The following ANXA11 variants were observed in gnomAD, a reference collection of about 807,000 sequenced individuals.
ANXA11 encodes annexin A11.
ANXA11 carries 57 observed loss-of-function variants against 64.7 expected under a neutral mutation model. The ratio of observed to expected loss-of-function variants is 0.88; its 90% CI spans 0.71 to 1.10. The LOEUF (loss-of-function observed/expected upper bound fraction) is 1.10, where lower values mean the gene tolerates loss of function less well. Among genes scored for constraint, ANXA11 ranks in the 50% least tolerant of loss-of-function variants. The pLI, the probability that ANXA11 is intolerant of heterozygous loss-of-function variation, is 0.00. For missense variants in ANXA11, 675 were observed against 670.7 expected, an observed-to-expected ratio of 1.01 and a Z score of -0.07; for synonymous variants, 260 against 265.2, an observed-to-expected ratio of 0.98 and a Z score of 0.19.
chr10:80,203,044 CAAAAAAAAA>C (rs11444706), intron 1 of ANXA11, among the ~76,000 whole-genome samples: 1 of 85,260 alleles, frequency 1.2e-5, no homozygotes. Context: ...AAATCTGTCT[CAAAAAAAAA>C]AAAAAAAAAA....
chr10:80,166,862 T>C (rs1845759583), intron 7 of ANXA11, 28 bp downstream of exon 7: 2 of 1,556,356 alleles, frequency 1.3e-6, no homozygotes, highest in East Asian at 2.3e-5. Context: ...CACGCCTCAC[T>C]GTCCCGCGCC....
In ANXA11 at chr10:80,153,175, G is replaced by A. The variant is rs1226803365; in HGVS notation, c.*2678C>T. On this transcript the variant is annotated 3_prime_UTR_variant, in exon 16 of 16. Coordinates refer to ENST00000422982, the MANE Select transcript of ANXA11 (RefSeq NM_145868.2). ...GGGTCTCAAACCCAAAGGCCTGCAG[G>A]AGCCAAATGGGTGACATGGGCTTAG... 1.3e-5 allele frequency: 2 copies of A among 152,176 alleles called. No individual in the cohort carries two copies. The highest frequency in any genetic ancestry group is 6.5e-5 in the Admixed American group (1 of 15,282). 9.4% of individuals were successfully genotyped at this position (152,176 alleles called of 1,614,324 possible). A position where few individuals can be genotyped will look rare whatever the true frequency, so the allele number is the denominator to read the frequency against.
intron 1 of ANXA11, among the ~76,000 whole-genome samples, chr10:80,182,683 T>TC (rs1272511796): frequency 2.6e-5 from 4 of 152,174 alleles, no homozygotes; most frequent in African/African-American, 9.7e-5. Context: ...CCTAATGCTC[T>TC]CCCTCCCTTG....
chr10:80,156,751 G>A (rs1247915909), intron 15 of ANXA11, among the ~76,000 whole-genome samples: 1 of 152,138 alleles, frequency 6.6e-6, no homozygotes, highest in Non-Finnish European at 1.5e-5. Flanking sequence ...TGATCCACCT[G>A]CCTCAGCCTC....
rs1001030016 is a variant in ANXA11 at position 80,152,358 on chromosome 10, T to G, written c.*3495A>C. 6.6e-6 allele frequency: 1 copy of G among 152,262 alleles called. No individual in the cohort carries two copies. Among genetic ancestry groups the G allele is most frequent in the Non-Finnish European group, 1.5e-5 (1 of 68,066 alleles). The allele number at this position is 152,262 out of a possible 1,614,324, so 9.4% of individuals were successfully genotyped here. A position where few individuals can be genotyped will look rare whatever the true frequency, so the allele number is the denominator to read the frequency against. On this transcript the variant is annotated 3_prime_UTR_variant, in exon 16 of 16. Coordinates refer to ENST00000422982, the MANE Select transcript of ANXA11 (RefSeq NM_145868.2). ...GACCTTGGAAGGCAGTAGGTGCCTTTGCCTCTGGGAAGATCATGAGGCATT... is the reference window on the plus strand; with the variant it reads ...GACCTTGGAAGGCAGTAGGTGCCTTGGCCTCTGGGAAGATCATGAGGCATT...
In ANXA11 at chr10:80,166,917, T is replaced by G. The variant is rs1845763676; in HGVS notation, c.717A>C (p.Leu239=). The G allele has an allele frequency of 8.1e-6, 13 of 1,608,690 alleles. No individual in the cohort carries two copies. The highest frequency in any genetic ancestry group is 1.1e-5 in the Non-Finnish European group (13 of 1,178,164). Residue 239 remains leucine, a synonymous_variant, in exon 7 of 16, where the codon CTA becomes CTC. Transcript: ENST00000422982. Reference sequence around the variant, plus strand: ...TGCCGTAAGCCGTCTTGAAGGAAAGTAGGATCTGCTGCCGCTGCTTGTTGG... The same window carrying G: ...TGCCGTAAGCCGTCTTGAAGGAAAGGAGGATCTGCTGCCGCTGCTTGTTGG... The part of the protein sequence containing the change: ...SRSNKQRQQI[L]LSFKTAYGKD...
Position 80,162,011 on chromosome 10 carries a change from C to T in ANXA11, c.1104G>A (p.Gly368=), listed in dbSNP as rs746081543. ...ACTCGTCTGTTCCCAGGCGGTTCTCCCCGGCCGCATACAGCTCCTGGAGAG... is the reference window on the plus strand; with the variant it reads ...ACTCGTCTGTTCCCAGGCGGTTCTCTCCGGCCGCATACAGCTCCTGGAGAG... ...QRDAQELYAA[G]ENRLGTDESK... The change falls in exon 12 of 16, where the codon GGG becomes GGA. Residue 368 remains glycine (G), a synonymous_variant. Transcript: ENST00000422982. 4 of 1,611,416 alleles carry T rather than the reference C, an allele frequency of 2.5e-6. No individual in the cohort carries two copies. The African/African-American group carries it at 5.3e-5, about 22-fold the overall frequency.
At chr10:80,164,638 G>A (rs1276460333) in intron 8 of ANXA11, among the ~76,000 whole-genome samples, 2 of 152,194 alleles carry the variant, frequency 1.3e-5, no homozygotes, top group Non-Finnish European at 2.9e-5. Flanking sequence ...GGACAACCAC[G>A]CCAGGGACAG....
At chr10:80,167,653 C>T (rs1845801441) in intron 5 of ANXA11, among the ~76,000 whole-genome samples, 1 of 152,202 alleles carries the variant, frequency 6.6e-6, no homozygotes, top group Admixed American at 6.5e-5. Context: ...GGGCTGTGGC[C>T]TCTCTCATCG....
intron 1 of ANXA11, among the ~76,000 whole-genome samples, chr10:80,189,888 G>A (rs183359884): frequency 6.6e-6 from 1 of 151,942 alleles, no homozygotes; most frequent in Non-Finnish European, 1.5e-5. Context: ...TGGATGAATG[G>A]ATAAACAAAA....
intron 1 of ANXA11, among the ~76,000 whole-genome samples, chr10:80,179,517 A>G (rs557370599): frequency 2.0e-4 from 30 of 152,354 alleles, no homozygotes; most frequent in African/African-American, 7.2e-4. Context: ...GACTAGACCT[A>G]GGCACCCCCA....
chr10:80,174,442 A>G (rs546528391), intron 2 of ANXA11, among the ~76,000 whole-genome samples: 9 of 151,252 alleles, frequency 6.0e-5, no homozygotes, highest in Admixed American at 4.0e-4. Context: ...ATGTCTGGCT[A>G]ATTTTTGTAT....
chr10:80,180,595 T>C (rs536554188), intron 1 of ANXA11, among the ~76,000 whole-genome samples: 1 of 151,356 alleles, frequency 6.6e-6, no homozygotes, highest in East Asian at 1.9e-4. Flanking sequence ...GGAGTGATTT[T>C]CCACTGGCCT....
chr10:80,155,843 C>T lies in ANXA11; in HGVS notation c.*10G>A, dbSNP rs776283120. The stretch of plus-strand genomic sequence containing the variant: ...CGGCAGGTGGGCAGAAGTGAGCCAC[C>T]AGTCACTGTTCAGTCATTGCCACCA... On this transcript the variant is annotated 3_prime_UTR_variant, in exon 16 of 16. Transcript: ENST00000422982. The T allele has an allele frequency of 1.2e-6, 2 of 1,613,864 alleles. No individual in the cohort carries two copies. Among genetic ancestry groups the T allele is most frequent in the Non-Finnish European group, 1.7e-6 (2 of 1,179,818 alleles).
At chr10:80,185,724 T>C (rs1166577889) in intron 1 of ANXA11, among the ~76,000 whole-genome samples, 1 of 152,234 alleles carries the variant, frequency 6.6e-6, no homozygotes, top group African/African-American at 2.4e-5. Flanking sequence ...AAATGAAGAC[T>C]GAGGGACAGA....
At chr10:80,169,391 TG>T (rs764248996) in intron 4 of ANXA11, 33 bp from the exon 5 acceptor site, 1 of 1,598,488 alleles carries the variant, frequency 6.3e-7, no homozygotes, top group East Asian at 2.2e-5. Flanking sequence ...CTGAGGCCAA[TG>T]GGCCCTGCTG....
intron 8 of ANXA11, 62 bp downstream of exon 8, chr10:80,166,022 G>A (rs1010710019): frequency 2.4e-5 from 25 of 1,037,508 alleles, no homozygotes; most frequent in East Asian, 7.3e-5. Context: ...ACACGCATGC[G>A]CGCGTGCGCA....
intron 1 of ANXA11, among the ~76,000 whole-genome samples, chr10:80,197,456 G>A (rs1276212548): frequency 1.3e-5 from 2 of 152,150 alleles, no homozygotes; most frequent in Non-Finnish European, 2.9e-5. Context: ...GAGAATGGGG[G>A]TTGGCAACCA....
intron 1 of ANXA11, among the ~76,000 whole-genome samples, chr10:80,177,395 G>A (rs1300781452): frequency 1.3e-5 from 2 of 152,080 alleles, no homozygotes; most frequent in Non-Finnish European, 2.9e-5. Flanking sequence ...CCCCGGACTG[G>A]TACAAGTGGG....
Sources: allele counts gnomAD v4.1 joint callset (sites outside exome capture counted in the v4.1 genomes callset), GRCh38; gene constraint gnomAD v4.1.1; transcripts MANE v1.5; gene names NCBI Gene and HGNC (gene_info 2026-07-23, HGNC 2026-07-21).